The following TACR1 variants were observed in gnomAD, a reference collection of about 807,000 sequenced individuals.
The protein encoded by TACR1 is substance-P receptor.
A neutral mutation model predicts 35.8 loss-of-function variants in TACR1; 25 were observed. The observed-to-expected ratio is 0.70, with a 90% CI of 0.51 to 0.98. TACR1 has a LOEUF of 0.98. Among genes scored for constraint, TACR1 ranks in the 50% least tolerant of loss-of-function variants. The pLI, the probability that TACR1 is intolerant of heterozygous loss-of-function variation, is 0.00. For missense variants in TACR1, 478 were observed against 522.9 expected, an observed-to-expected ratio of 0.91 and a Z score of 0.84; for synonymous variants, 195 against 206.7, an observed-to-expected ratio of 0.94 and a Z score of 0.48.
intron 1 of TACR1, among the ~76,000 whole-genome samples, chr2:75,147,983 T>C (rs1020593663): frequency 6.6e-6 from 1 of 152,066 alleles, no homozygotes; most frequent in Non-Finnish European, 1.5e-5. Context: ...CCTGACCTCA[T>C]GATCCACCCA....
intron 2 of TACR1, among the ~76,000 whole-genome samples, chr2:75,070,223 G>A (rs1481361497): frequency 5.4e-5 from 5 of 91,786 alleles, no homozygotes; most frequent in African/African-American, 3.1e-4. Context: ...GTATGTATGT[G>A]TGTGTGTGTA....
chr2:75,093,920 A>G (rs1028900519), intron 2 of TACR1, among the ~76,000 whole-genome samples: 5 of 152,056 alleles, frequency 3.3e-5, no homozygotes, highest in South Asian at 2.1e-4. Flanking sequence ...CTCTTTCTAC[A>G]TGTGAGGAAA....
Position 75,129,989 on chromosome 2 carries a change from G to C in TACR1, c.390-9221C>G, listed in dbSNP as rs1005482896. Among the ~76,000 whole-genome samples the C allele has an allele frequency of 2.0e-5, 3 of 152,194 alleles. No individual in the cohort carries two copies. The South Asian group carries it at 6.2e-4, about 32-fold the overall frequency. On this transcript the variant is annotated intron_variant, in intron 1 of 4. Coordinates refer to ENST00000305249, the MANE Select transcript of TACR1 (RefSeq NM_001058.4). ...CGAACTAAAAAGCCAGAATCTGTGG[G>C]CTGGGATTGGAGTGAGGTGAGTGAG...
intron 2 of TACR1, among the ~76,000 whole-genome samples, chr2:75,108,941 A>G (rs1450669554): frequency 6.6e-6 from 1 of 152,128 alleles, no homozygotes; most frequent in African/African-American, 2.4e-5. Flanking sequence ...GAATGTAAAA[A>G]TTCGTCTCAG....
chr2:75,095,812 C>T (rs1469355118), intron 2 of TACR1, among the ~76,000 whole-genome samples: 1 of 152,156 alleles, frequency 6.6e-6, no homozygotes, highest in Admixed American at 6.5e-5. Flanking sequence ...CTTCGTCCAT[C>T]CCCCTGTCCC....
At chr2:75,060,316 C>A (rs2103795592) in intron 2 of TACR1, among the ~76,000 whole-genome samples, 1 of 152,226 alleles carries the variant, frequency 6.6e-6, no homozygotes, top group East Asian at 1.9e-4. Flanking sequence ...AATACATGGT[C>A]CAGTGTTTTG....
At chr2:75,073,054 T>C in intron 2 of TACR1, among the ~76,000 whole-genome samples, 1 of 152,148 alleles carries the variant, frequency 6.6e-6, no homozygotes, top group East Asian at 1.9e-4. Flanking sequence ...AGCAAAAAAG[T>C]CAGATTTTTA....
intron 1 of TACR1, among the ~76,000 whole-genome samples, chr2:75,198,025 A>G (rs959861286): frequency 1.3e-5 from 2 of 152,192 alleles, no homozygotes; most frequent in Admixed American, 1.3e-4. Flanking sequence ...AACAACAACA[A>G]CAACTACAAC....
At chr2:75,123,814 C>G (rs562947919) in intron 1 of TACR1, among the ~76,000 whole-genome samples, 18 of 152,130 alleles carry the variant, frequency 1.2e-4, no homozygotes, top group African/African-American at 3.6e-4. Context: ...ATTTGGATAA[C>G]CTGTACACAG....
chr2:75,156,433 A>AT (rs1674856699), intron 1 of TACR1: 1 of 106,316 alleles, frequency 9.4e-6, no homozygotes, highest in Admixed American at 1.1e-4. Context: ...TACCAAAAAT[A>AT]CAAAAAAAAA....
At position 75,055,949 on chromosome 2, in the gene TACR1, C is replaced by T. The variant is rs891627439; in HGVS notation, c.585-2194G>A. ...ATTGTCTTAGGCCAACGGTTCTCAA[C>T]CGCAAATGTAAAAGAGAATCACCAG... is the stretch of plus-strand genomic sequence containing the variant. On this transcript the variant is annotated intron_variant, in intron 2 of 4. Transcript: ENST00000305249. 3.9e-5 allele frequency among the ~76,000 whole-genome samples: 6 copies of T among 152,330 alleles called. No individual in the cohort carries two copies. The South Asian group carries it at 8.3e-4, about 21-fold the overall frequency.
chr2:75,109,285 G>T (rs1246574857), intron 2 of TACR1, among the ~76,000 whole-genome samples: 1 of 152,166 alleles, frequency 6.6e-6, no homozygotes, highest in Non-Finnish European at 1.5e-5. Context: ...TAATGAGGGA[G>T]AGGGCAGGGC....
chr2:75,154,401 A>AGCGCGCTCGCGCGCGC (rs142809732), intron 1 of TACR1: 2 of 76,444 alleles, frequency 2.6e-5, no homozygotes, highest in African/African-American at 1.2e-4. Context: ...ATCAGCCAAG[A>AGCGCGCTCGCGCGCGC]GCGCGCACGC....
chr2:75,132,531 T>G (rs866284161), intron 1 of TACR1, among the ~76,000 whole-genome samples: 1 of 152,226 alleles, frequency 6.6e-6, no homozygotes, highest in Non-Finnish European at 1.5e-5. Flanking sequence ...TTTATTTCAT[T>G]ATACATAATA....
chr2:75,186,037 G>A (rs976331644), intron 1 of TACR1, among the ~76,000 whole-genome samples: 2 of 152,146 alleles, frequency 1.3e-5, no homozygotes, highest in African/African-American at 2.4e-5. Flanking sequence ...AAATAAAATT[G>A]TATATGCTAT....
At chr2:75,084,809 C>T (rs1454332862) in intron 2 of TACR1, among the ~76,000 whole-genome samples, 1 of 152,154 alleles carries the variant, frequency 6.6e-6, no homozygotes, top group East Asian at 1.9e-4. Flanking sequence ...CTATTTGATT[C>T]TTCTCTCTTT....
Position 75,068,373 on chromosome 2 carries a change from G to A in TACR1, c.585-14618C>T, listed in dbSNP as rs116648770. ...CCAACTCTTTGTAAATGTTAATCGC[G>A]TTTACAGATACCTTCACAGCAACAT... On this transcript the variant is annotated intron_variant, in intron 2 of 4. Coordinates refer to ENST00000305249, the MANE Select transcript of TACR1 (RefSeq NM_001058.4). Among the ~76,000 whole-genome samples the A allele has an allele frequency of 4.1e-3, 631 of 152,228 alleles. 8 individuals carry two copies. Among genetic ancestry groups the A allele is most frequent in the African/African-American group, 0.014 (572 of 41,516 alleles).
intron 2 of TACR1, among the ~76,000 whole-genome samples, chr2:75,059,429 C>G (rs574671313): frequency 1.3e-5 from 2 of 152,290 alleles, no homozygotes; most frequent in South Asian, 2.1e-4. Flanking sequence ...ATTGGAATTG[C>G]CTAGGGAGCC....
At chr2:75,066,074 T>C (rs1204980834) in intron 2 of TACR1, among the ~76,000 whole-genome samples, 1 of 152,212 alleles carries the variant, frequency 6.6e-6, no homozygotes, top group African/African-American at 2.4e-5. Context: ...AAATTTATTA[T>C]CAAGTGTAAT....
Sources: gnomAD v4.1 joint callset for allele counts (sites outside exome capture counted in the v4.1 genomes callset) on GRCh38, gnomAD v4.1.1 for gene constraint, MANE v1.5 for transcripts, NCBI Gene and HGNC (gene_info 2026-07-23, HGNC 2026-07-21) for gene names.